Variants in AOPEP observed in about 807,000 individuals in gnomAD.
AOPEP encodes the protein aminopeptidase O (putative).
Under a neutral mutation model 98.1 loss-of-function variants are expected in AOPEP, and 77 were observed. The ratio of observed to expected loss-of-function variants is 0.78; its 90% CI spans 0.65 to 0.95. The LOEUF (loss-of-function observed/expected upper bound fraction) is 0.95. AOPEP is among the 40% of genes least tolerant of loss of function. AOPEP has a pLI of 0.00. For synonymous variants in AOPEP, 346 were observed against 365.3 expected (o/e 0.95, Z 0.60); for missense variants, 1,024 against 1,024.7 (o/e 1.00, Z 0.01).
chr9:94,815,863 TC>T (rs1460864247), intron 5 of AOPEP, among the ~76,000 whole-genome samples: 1 of 152,124 alleles, frequency 6.6e-6, no homozygotes, highest in Non-Finnish European at 1.5e-5. Context: ...TTCAGCCCTG[TC>T]CCTATTACTG....
At position 95,060,770 on chromosome 9, in the gene AOPEP, G is replaced by A; in HGVS notation, c.2192G>A (p.Ser731Asn). The A allele has an allele frequency of 6.2e-7, 1 of 1,613,918 alleles. No individual in the cohort carries two copies. Among genetic ancestry groups the A allele is most frequent in the Non-Finnish European group, 8.5e-7 (1 of 1,179,796 alleles). The stretch of plus-strand genomic sequence containing the variant: ...ACTCTGAGCCCCCGAACTCTGCAAA[G>A]CCTCCAGAGGACATACCACCTCCAG... ...QKTLSPRTLQ[S>N]LQRTYHLQDQ... The change falls in exon 14 of 17, where the codon AGC becomes AAC. Residue 731 changes from serine to asparagine, a missense_variant. By Grantham distance (46) the Ser-to-Asn change is conservative (BLOSUM62 1). Transcript: ENST00000375315.
At chr9:95,139,162 A>T in the AOPEP span, among the ~76,000 whole-genome samples, 1 of 152,248 alleles carries the variant, frequency 6.6e-6, no homozygotes, top group Admixed American at 6.5e-5. Context: ...CAAATCACAG[A>T]AAAAGAACTG....
At chr9:94,965,431 T>C (rs2059128703) in intron 9 of AOPEP, among the ~76,000 whole-genome samples, 1 of 152,258 alleles carries the variant, frequency 6.6e-6, no homozygotes, top group East Asian at 1.9e-4. Context: ...AAATGGACTG[T>C]GACCACCCAT....
intron 5 of AOPEP, among the ~76,000 whole-genome samples, chr9:94,828,993 C>G (rs2134394633): frequency 6.6e-6 from 1 of 151,960 alleles, no homozygotes; most frequent in Middle Eastern, 3.4e-3. Context: ...CTCAGCCTCC[C>G]AAGTAGCTGG....
intron 6 of AOPEP, among the ~76,000 whole-genome samples, chr9:94,925,878 A>G (rs949620389): frequency 2.6e-5 from 4 of 152,224 alleles, no homozygotes; most frequent in African/African-American, 9.6e-5. Context: ...AAGAATGCCA[A>G]AGCTTGCAGG....
At chr9:94,934,315 C>CTTTTTTTTTTTTTTTTTTTTTTTTTTTTT (rs974551445) in intron 7 of AOPEP, among the ~76,000 whole-genome samples, 7 of 116,732 alleles carry the variant, frequency 6.0e-5, no homozygotes, top group African/African-American at 2.4e-4. Flanking sequence ...CTTCTCCCAT[C>CTTTTTTTTTTTTTTTTTTTTTTTTTTTTT]TTTTTTTTTT....
Position 95,005,426 on chromosome 9 carries a change from C to T in AOPEP, c.2041-116C>T, listed in dbSNP as rs572882009. The T allele has an allele frequency of 6.8e-4, 771 of 1,125,882 alleles. 2 individuals carry two copies. In the African/African-American group the frequency reaches 0.011, roughly 16 times the overall value. The allele number at this position is 1,125,882 out of a possible 1,614,324, so 69.7% of individuals were successfully genotyped here. On this transcript the variant is annotated intron_variant, in intron 12 of 16. Transcript: ENST00000375315. ...TTCCGCGGGCGGGCGCGGGTGGCCT[C>T]CCGAGGTGCGGGGAAGACCAGGTCG...
At chr9:95,032,806 A>G (rs1367550778) in intron 13 of AOPEP, among the ~76,000 whole-genome samples, 1 of 152,172 alleles carries the variant, frequency 6.6e-6, no homozygotes, top group African/African-American at 2.4e-5. Flanking sequence ...CTTTTATTTT[A>G]TGACAAAACA....
the AOPEP span, among the ~76,000 whole-genome samples, chr9:95,118,497 A>T: frequency 2.2e-4 from 33 of 152,206 alleles, no homozygotes; most frequent in Admixed American, 3.9e-4. Flanking sequence ...AAATGTGCAA[A>T]TCCATGTGAC....
intron 1 of AOPEP, among the ~76,000 whole-genome samples, chr9:94,745,574 A>G (rs554777459): frequency 3.8e-4 from 58 of 152,144 alleles, no homozygotes; most frequent in African/African-American, 1.3e-3. Flanking sequence ...CGTGCCCGGC[A>G]ATTGTTTTAA....
chr9:95,107,111 G>C, the AOPEP span: 5 of 1,614,110 alleles, frequency 3.1e-6, no homozygotes, highest in East Asian at 2.2e-5. Context: ...CAGGAGCCCA[G>C]AGCAGGAAGT....
intron 3 of AOPEP, among the ~76,000 whole-genome samples, chr9:94,784,471 C>T (rs1588193945): frequency 6.6e-6 from 1 of 152,138 alleles, no homozygotes; most frequent in Non-Finnish European, 1.5e-5. Context: ...TCCCTCTTCA[C>T]TGAGAATTAT....
chr9:95,120,228 T>C, the AOPEP span, among the ~76,000 whole-genome samples: 2 of 152,210 alleles, frequency 1.3e-5, no homozygotes, highest in East Asian at 3.8e-4. Flanking sequence ...TTTTTCTACA[T>C]ATGGACATCC....
intron 13 of AOPEP, among the ~76,000 whole-genome samples, chr9:95,026,481 T>G (rs1219525236): frequency 6.6e-6 from 1 of 152,254 alleles, no homozygotes; most frequent in Admixed American, 6.5e-5. Flanking sequence ...TTCTTTCACT[T>G]AGCATAACGT....
intron 3 of AOPEP, among the ~76,000 whole-genome samples, chr9:94,790,241 A>G (rs55791673): frequency 0.012 from 1,793 of 151,010 alleles, 20 homozygotes; most frequent in South Asian, 0.044. Context: ...ATCTCGGCTC[A>G]CTGCAACCTC....
intron 5 of AOPEP, among the ~76,000 whole-genome samples, chr9:94,894,489 T>C (rs543342172): frequency 1.3e-5 from 2 of 152,260 alleles, no homozygotes; most frequent in South Asian, 4.1e-4. Flanking sequence ...TAAGAACATA[T>C]GAGTCACCAA....
At chr9:95,146,850 G>A in the AOPEP span, among the ~76,000 whole-genome samples, 43 of 151,936 alleles carry the variant, frequency 2.8e-4, no homozygotes, top group African/African-American at 9.7e-4. Flanking sequence ...TGCGTTAAAA[G>A]AAAAAATCAT....
chr9:94,791,875 G>A (rs185670765), intron 3 of AOPEP, among the ~76,000 whole-genome samples: 40 of 152,322 alleles, frequency 2.6e-4, no homozygotes, highest in Middle Eastern at 6.8e-3. Flanking sequence ...CACGATTAAT[G>A]TATAGCAGAT....
At chr9:95,086,299 C>T in intron 16 of AOPEP, 1 of 985,424 alleles carries the variant, frequency 1.0e-6, no homozygotes, top group African/African-American at 1.7e-5. Flanking sequence ...GCTCCCAGGC[C>T]TGAAGGCAGG....
Sources: gnomAD v4.1 joint callset for allele counts (sites outside exome capture counted in the v4.1 genomes callset) on GRCh38, gnomAD v4.1.1 for gene constraint, MANE v1.5 for transcripts, NCBI Gene and HGNC (gene_info 2026-07-23, HGNC 2026-07-21) for gene names.